The following GNAL variants were observed in gnomAD, a reference collection of about 807,000 sequenced individuals.
The protein encoded by GNAL is guanine nucleotide-binding protein G(olf) subunit alpha.
GNAL carries 18 observed loss-of-function variants against 55.1 expected under a neutral mutation model. That is an observed-to-expected ratio of 0.33 (90% confidence interval 0.23 to 0.48). The LOEUF is 0.48. Ranked by LOEUF, GNAL falls within the 20% of genes least tolerant of loss-of-function variation. The pLI is 0.99. For synonymous variants in GNAL, 253 were observed against 237.0 expected, an observed-to-expected ratio of 1.07 and a Z score of -0.62; for missense variants, 412 against 614.1, an observed-to-expected ratio of 0.67 and a Z score of 3.48.
At chr18:11,870,318 C>T (rs911528987) in intron 9 of GNAL, among the ~76,000 whole-genome samples, 3 of 152,108 alleles carry the variant, frequency 2.0e-5, no homozygotes, top group Non-Finnish European at 4.4e-5. Context: ...ATCAGGAGTT[C>T]GAGACCAACC....
At chr18:11,842,378 G>A (rs186116191) in intron 5 of GNAL, among the ~76,000 whole-genome samples, 23 of 152,278 alleles carry the variant, frequency 1.5e-4, no homozygotes, top group South Asian at 1.0e-3. Flanking sequence ...TCCATGGACC[G>A]TGGTGGGGTG....
At chr18:11,749,779 G>A (rs1006396742) in intron 1 of GNAL, among the ~76,000 whole-genome samples, 2 of 152,174 alleles carry the variant, frequency 1.3e-5, no homozygotes, top group Admixed American at 6.5e-5. Context: ...AGGATAACTA[G>A]GGGGGTTGAC....
At chr18:11,704,512 T>C (rs1302944714) in intron 1 of GNAL, among the ~76,000 whole-genome samples, 2 of 152,138 alleles carry the variant, frequency 1.3e-5, no homozygotes, top group East Asian at 3.9e-4. Flanking sequence ...CCATCTGTAA[T>C]ATGTGCCTCA....
At chr18:11,779,254 A>G (rs187125976) in intron 4 of GNAL, among the ~76,000 whole-genome samples, 1 of 152,332 alleles carries the variant, frequency 6.6e-6, no homozygotes, top group Admixed American at 6.5e-5. Context: ...TACCAAATCT[A>G]TACCTTGCTG....
chr18:11,884,936 A>G lies in GNAL; in HGVS notation c.*3801A>G, dbSNP rs1476487909. 2.3e-6 allele frequency: 3 copies of G among 1,293,040 alleles called. No homozygotes were observed. The highest frequency in any genetic ancestry group is 3.0e-6 in the Non-Finnish European group (3 of 1,001,512). The allele number at this position is 1,293,040 out of a possible 1,614,324, so 80.1% of individuals were successfully genotyped here. A position where few individuals can be genotyped will look rare whatever the true frequency, so the allele number is the denominator to read the frequency against. ...CCATCAAATATAGTGGGGGATCCAT[A>G]ACAGAGATTCAGAGAGGCACCGTGG... On this transcript the variant is annotated 3_prime_UTR_variant, in exon 12 of 12. Coordinates refer to ENST00000334049, the MANE Select transcript of GNAL (RefSeq NM_182978.4).
intron 4 of GNAL, among the ~76,000 whole-genome samples, chr18:11,811,794 C>T (rs539469140): frequency 2.6e-5 from 4 of 152,186 alleles, no homozygotes; most frequent in African/African-American, 9.6e-5. Flanking sequence ...AGAAAGGATA[C>T]GGAGTGACTA....
At chr18:11,860,409 A>G (rs1225450770) in intron 5 of GNAL, among the ~76,000 whole-genome samples, 1 of 152,212 alleles carries the variant, frequency 6.6e-6, no homozygotes, top group Non-Finnish European at 1.5e-5. Flanking sequence ...GTCTTTGGCC[A>G]AGTGGTTCCT....
Position 11,751,548 on chromosome 18 carries a change from A to G in GNAL, c.377-1305A>G. On this transcript the variant is annotated intron_variant, in intron 1 of 11. Coordinates refer to ENST00000334049, the MANE Select transcript of GNAL (RefSeq NM_182978.4). The surrounding 1 kb of genome is among the most constrained non-coding windows in gnomAD (Gnocchi z 4.5). The stretch of plus-strand genomic sequence containing the variant: ...GATCCTCCTCCCTGCTAGAATATGC[A>G]TGATCCTCCGCGAGTCTTCGCCCGC... 1.0e-6 allele frequency: 1 copy of G among 985,530 alleles called. No individual in the cohort carries two copies. Among genetic ancestry groups the G allele is most frequent in the Non-Finnish European group, 1.2e-6 (1 of 829,994 alleles). 61.0% of individuals were successfully genotyped at this position (985,530 alleles called of 1,614,324 possible). A position where few individuals can be genotyped will look rare whatever the true frequency, so the allele number is the denominator to read the frequency against.
chr18:11,816,803 G>A (rs934055100), intron 4 of GNAL, among the ~76,000 whole-genome samples: 10 of 135,106 alleles, frequency 7.4e-5, no homozygotes, highest in Non-Finnish European at 1.6e-5. Context: ...GACAGAGTGA[G>A]ACGCTGTCTC....
intron 5 of GNAL, among the ~76,000 whole-genome samples, chr18:11,836,115 C>T (rs1426976222): frequency 2.0e-5 from 3 of 151,968 alleles, no homozygotes; most frequent in Non-Finnish European, 2.9e-5. Flanking sequence ...CACTGCACTC[C>T]AGCTTAAGTG....
rs200810906 is a variant in GNAL, at chr18:11,851,687, A to G, written c.723-10708A>G. ...CACGCCGAAAATGCCATCCGCCAGAAGAACCAGGCGGTGAATTTCTTGAGA... is the reference window on the plus strand; with the variant it reads ...CACGCCGAAAATGCCATCCGCCAGAGGAACCAGGCGGTGAATTTCTTGAGA... On this transcript the variant is annotated intron_variant, in intron 5 of 11. Transcript: ENST00000334049. 267 of 1,614,074 alleles carry G rather than the reference A, an allele frequency of 1.7e-4. 2 individuals carry two copies. In the Middle Eastern group the frequency reaches 3.6e-3, roughly 22 times the overall value.
Position 11,860,179 on chromosome 18 carries a change from C to T in GNAL, c.723-2216C>T, listed in dbSNP as rs149028388. On this transcript the variant is annotated intron_variant, in intron 5 of 11. Transcript: ENST00000334049. ...CACAGTTGCCCCCACTGTTTCCTAT[C>T]GCTATGAAAGGCCATCCCAAACACC... Among the ~76,000 whole-genome samples the T allele has an allele frequency of 3.9e-5, 6 of 152,268 alleles. No individual in the cohort carries two copies. The East Asian group carries it at 9.6e-4, about 24-fold the overall frequency.
At chr18:11,785,247 G>A (rs958446524) in intron 4 of GNAL, among the ~76,000 whole-genome samples, 5 of 151,656 alleles carry the variant, frequency 3.3e-5, no homozygotes, top group Admixed American at 2.0e-4. Flanking sequence ...TGAAAGTTGG[G>A]ATAAAGATGA....
chr18:11,790,949 G>A (rs565246373), intron 4 of GNAL, among the ~76,000 whole-genome samples: 79 of 151,490 alleles, frequency 5.2e-4, no homozygotes, highest in African/African-American at 1.7e-3. Flanking sequence ...GAGCCACCGC[G>A]TCCAGCCAGC....
At chr18:11,873,898 C>G (rs1442925412) in intron 10 of GNAL, among the ~76,000 whole-genome samples, 1 of 152,186 alleles carries the variant, frequency 6.6e-6, no homozygotes, top group Non-Finnish European at 1.5e-5. Context: ...TCCCTCTTTC[C>G]CTCCTCATGG....
chr18:11,819,619 ATTTTCT>A (rs1306378696), intron 4 of GNAL, among the ~76,000 whole-genome samples: 1 of 151,976 alleles, frequency 6.6e-6, no homozygotes, highest in East Asian at 1.9e-4. Flanking sequence ...TAACTTAGTA[ATTTTCT>A]TTTTATGCTT....
At position 11,814,718 on chromosome 18, in the gene GNAL, G is replaced by A. The variant is rs565826051; in HGVS notation, c.625-10200G>A. Reference sequence around the variant, plus strand: ...TGGGGACCAGCCTGACCAACATGGCGAAACGCTGTCTATACTAAAAATACA... The same window carrying A: ...TGGGGACCAGCCTGACCAACATGGCAAAACGCTGTCTATACTAAAAATACA... On this transcript the variant is annotated intron_variant, in intron 4 of 11. Transcript: ENST00000334049. 4.9e-4 allele frequency among the ~76,000 whole-genome samples: 75 copies of A among 151,806 alleles called. No individual in the cohort carries two copies. The South Asian group carries it at 0.015, about 30-fold the overall frequency.
chr18:11,807,826 G>A (rs771325264), intron 4 of GNAL, among the ~76,000 whole-genome samples: 12 of 152,178 alleles, frequency 7.9e-5, no homozygotes, highest in Non-Finnish European at 1.5e-4. Context: ...GAGGGAGCCA[G>A]CAGTGAACCC....
At chr18:11,805,109 A>G (rs2034621426) in intron 4 of GNAL, among the ~76,000 whole-genome samples, 1 of 137,308 alleles carries the variant, frequency 7.3e-6, no homozygotes. Context: ...GTGCAATTTG[A>G]GTGGAACATG....
Sources: gnomAD v4.1 joint callset for allele counts (sites outside exome capture counted in the v4.1 genomes callset) on GRCh38, gnomAD v4.1.1 for gene constraint, Gnocchi (gnomAD v3.1) non-coding constraint, MANE v1.5 for transcripts, NCBI Gene and HGNC (gene_info 2026-07-23, HGNC 2026-07-21) for gene names.